The following DNMBP variants were observed in gnomAD, a reference collection of about 807,000 sequenced individuals.
DNMBP encodes the protein dynamin-binding protein.
Under a neutral mutation model 150.0 loss-of-function variants are expected in DNMBP, and 87 were observed. The observed-to-expected ratio is 0.58, with a 90% CI of 0.49 to 0.69. The LOEUF is 0.69. Ranked by LOEUF, DNMBP falls within the 30% of genes least tolerant of loss-of-function variation. DNMBP has a pLI of 0.00. For synonymous variants in DNMBP, 711 were observed against 750.4 expected (o/e 0.95, Z 0.86); for missense variants, 1,774 against 1,949.0 (o/e 0.91, Z 1.69).
In DNMBP at chr10:99,893,551, T is replaced by C. The variant is rs528603293; in HGVS notation, c.3156+1395A>G. ...GAGATCGACACCATCCTGGCCAACA[T>C]GATGACACCCCGTCTCTATTAAAAA... On this transcript the variant is annotated intron_variant, in intron 11 of 16. Coordinates refer to ENST00000324109, the MANE Select transcript of DNMBP (RefSeq NM_015221.4). Among the ~76,000 whole-genome samples, 3 of 152,110 alleles carry C rather than the reference T, an allele frequency of 2.0e-5. No homozygotes were observed. In the South Asian group the frequency reaches 6.2e-4, roughly 32 times the overall value.
chr10:99,992,470 G>A (rs996177694), intron 1 of DNMBP, among the ~76,000 whole-genome samples: 4 of 151,458 alleles, frequency 2.6e-5, no homozygotes, highest in Non-Finnish European at 4.4e-5. Flanking sequence ...AGTGGCTCAC[G>A]CCTGTAATCC....
intron 6 of DNMBP, among the ~76,000 whole-genome samples, chr10:99,906,962 G>A (rs1363091486): frequency 6.6e-6 from 1 of 152,160 alleles, no homozygotes; most frequent in East Asian, 1.9e-4. Flanking sequence ...TTTTGACAAT[G>A]TCCCACATAA....
In DNMBP at chr10:99,967,484, C is replaced by G. The variant is rs183412316; in HGVS notation, c.268+1631G>C. Among the ~76,000 whole-genome samples the G allele has an allele frequency of 3.3e-5, 5 of 152,188 alleles. No homozygotes were observed. In the East Asian group the frequency reaches 9.6e-4, roughly 29 times the overall value. Reference sequence around the variant, plus strand: ...GAGGTTGCAGTGAGCCGAGATCATGCCACTGCACTCCAGCCTCGACAGAAT... The same window carrying G: ...GAGGTTGCAGTGAGCCGAGATCATGGCACTGCACTCCAGCCTCGACAGAAT... On this transcript the variant is annotated intron_variant, in intron 3 of 16. Coordinates refer to ENST00000324109, the MANE Select transcript of DNMBP (RefSeq NM_015221.4).
At chr10:99,894,696 G>T (rs1274860747) in intron 11 of DNMBP, among the ~76,000 whole-genome samples, 5 of 152,286 alleles carry the variant, frequency 3.3e-5, no homozygotes, top group Non-Finnish European at 4.4e-5. Context: ...GGTGTGTGTG[G>T]GATGAAGGGT....
At chr10:100,003,802 A>G (rs146642248) in intron 1 of DNMBP, among the ~76,000 whole-genome samples, 1,875 of 152,014 alleles carry the variant, frequency 0.012, 38 homozygotes, top group African/African-American at 0.042. Flanking sequence ...ACAGAGGGAG[A>G]CCCTGTCTTA....
intron 3 of DNMBP, 67 bp downstream of exon 3, chr10:99,969,048 G>A (rs889717635): frequency 1.3e-6 from 2 of 1,589,864 alleles, no homozygotes; most frequent in Non-Finnish European, 8.6e-7. Flanking sequence ...AAAAGGATCT[G>A]GTTGTCGAAA....
intron 6 of DNMBP, 68 bp downstream of exon 6, chr10:99,907,927 A>T (rs1037082648): frequency 8.7e-7 from 1 of 1,146,924 alleles, no homozygotes; most frequent in African/African-American, 1.5e-5. Context: ...AGTATCAGGA[A>T]GGCCACTTAC....
At chr10:99,950,346 A>G (rs1209028531) in intron 4 of DNMBP, among the ~76,000 whole-genome samples, 1 of 152,176 alleles carries the variant, frequency 6.6e-6, no homozygotes, top group Non-Finnish European at 1.5e-5. Context: ...CAGTGTGAAC[A>G]TGGACTAATA....
rs1364825094 is a variant in DNMBP at position 99,886,419 on chromosome 10, C to T, written c.3499G>A (p.Glu1167Lys). The T allele has an allele frequency of 6.2e-7, 1 of 1,614,196 alleles. No homozygotes were observed. Among genetic ancestry groups the T allele is most frequent in the African/African-American group, 1.3e-5 (1 of 75,066 alleles). Residue 1167 changes from glutamate (E) to lysine (K), a missense_variant, in exon 13 of 17, where the codon GAG (glutamate) becomes AAG (lysine). By Grantham distance (56) the Glu-to-Lys change is moderately conservative. Transcript: ENST00000324109. The part of the protein sequence containing the change: ...YEALNAQLLD[E>K]LPKFHQYAQG... ...GCGTACTGGTGGAACTTGGGCAGCT[C>T]ATCCAGCAGCTGTGCATTCAGGGCC... is the stretch of plus-strand genomic sequence containing the variant.
intron 4 of DNMBP, among the ~76,000 whole-genome samples, chr10:99,947,581 G>C (rs554769439): frequency 1.5e-4 from 23 of 151,812 alleles, no homozygotes; most frequent in African/African-American, 5.3e-4. Flanking sequence ...GAGGGAGGGA[G>C]GGAGGGAGGC....
At chr10:99,939,874 T>C (rs2040275310) in intron 4 of DNMBP, among the ~76,000 whole-genome samples, 1 of 152,236 alleles carries the variant, frequency 6.6e-6, no homozygotes, top group Non-Finnish European at 1.5e-5. Flanking sequence ...ACCAGTCCTG[T>C]GGTCCCACCC....
chr10:99,907,891 G>C, intron 6 of DNMBP, 104 bp downstream of exon 6: 2 of 771,036 alleles, frequency 2.6e-6, no homozygotes, highest in Non-Finnish European at 4.4e-6. Flanking sequence ...ACCTACACCT[G>C]TATCTTCCCG....
intron 4 of DNMBP, among the ~76,000 whole-genome samples, chr10:99,917,993 AAAG>A (rs1325113002): frequency 2.0e-5 from 3 of 149,692 alleles, no homozygotes; most frequent in Admixed American, 1.3e-4. Flanking sequence ...AAAAAAAAGA[AAAG>A]AAAGGAAAAC....
intron 4 of DNMBP, among the ~76,000 whole-genome samples, chr10:99,924,204 G>A (rs917264424): frequency 3.9e-5 from 6 of 151,914 alleles, no homozygotes; most frequent in African/African-American, 7.3e-5. Context: ...TTGGGAGGCC[G>A]AGGCGGGTGG....
intron 1 of DNMBP, among the ~76,000 whole-genome samples, chr10:99,983,558 A>AC (rs2040800777): frequency 6.6e-6 from 1 of 152,060 alleles, no homozygotes; most frequent in Non-Finnish European, 1.5e-5. Flanking sequence ...GAAAAGCAGG[A>AC]CCCCTCTTGG....
intron 11 of DNMBP, among the ~76,000 whole-genome samples, chr10:99,891,950 C>A (rs1478409201): frequency 6.7e-6 from 1 of 149,288 alleles, no homozygotes; most frequent in East Asian, 2.0e-4. Context: ...CCAGCCGCCC[C>A]GTCCGGGAGG....
chr10:99,891,821 C>T (rs986654512), intron 11 of DNMBP, among the ~76,000 whole-genome samples: 12 of 149,890 alleles, frequency 8.0e-5, no homozygotes, highest in African/African-American at 2.0e-4. Flanking sequence ...GCCTCTGCCC[C>T]GCCGCCCCAT....
At position 99,879,916 on chromosome 10, in the gene DNMBP, T is replaced by TA; in HGVS notation, c.4442_4443insT (p.Arg1482ThrfsTer30). The TA allele has an allele frequency of 6.2e-7, 1 of 1,614,246 alleles. No homozygotes were observed. ...CGAGGTCTTGACTTTGCCCATTTCG[T>TA]CCTGGTACGGAGTAGCCAACTATTT... On this transcript the variant is annotated frameshift_variant, in exon 16 of 17. Transcript: ENST00000324109. LOFTEE classifies it high-confidence loss of function.
At chr10:99,970,071 T>G (rs576368919) in intron 2 of DNMBP, among the ~76,000 whole-genome samples, 1 of 152,326 alleles carries the variant, frequency 6.6e-6, no homozygotes, top group South Asian at 2.1e-4. Flanking sequence ...TCACACCTCA[T>G]GCCCTACTAA....
Sources: gnomAD v4.1 joint callset for allele counts (sites outside exome capture counted in the v4.1 genomes callset) on GRCh38, gnomAD v4.1.1 for gene constraint, MANE v1.5 for transcripts, NCBI Gene and HGNC (gene_info 2026-07-23, HGNC 2026-07-21) for gene names.